Variants in SLC26A4 observed in about 807,000 individuals in gnomAD.
SLC26A4 encodes the protein pendrin.
A neutral mutation model predicts 90.4 loss-of-function variants in SLC26A4; 93 were observed. That is an observed-to-expected ratio of 1.03 (90% CI 0.87 to 1.22). The LOEUF (loss-of-function observed/expected upper bound fraction) is 1.22, where lower values mean the gene tolerates loss of function less well. Ranked by LOEUF, SLC26A4 falls within the 50% of genes most tolerant of loss-of-function variation. The pLI, the probability that SLC26A4 is intolerant of heterozygous loss-of-function variation, is 0.00. For missense variants in SLC26A4, 1,127 were observed against 946.2 expected, an observed-to-expected ratio of 1.19 and a Z score of -2.51; for synonymous variants, 393 against 354.6, an observed-to-expected ratio of 1.11 and a Z score of -1.22.
In SLC26A4 at chr7:107,694,636, G is replaced by T; in HGVS notation, c.1357G>T (p.Val453Phe). ...CTCTTGGCAGTCGGTCTTGGCAGCT[G>T]TTGTAATTGCCAACCTGAAAGGGAT... Reference protein sequence around the residue: ...EPLQKSVLAAVVIANLKGMFM... With the variant: ...EPLQKSVLAAFVIANLKGMFM... The change falls in exon 12 of 21, where the codon GTT becomes TTT. Residue 453 changes from valine to phenylalanine, a missense_variant. By Grantham distance (50) the Val-to-Phe change is conservative. Transcript: ENST00000644269. 6.2e-7 allele frequency: 1 copy of T among 1,613,134 alleles called. No individual in the cohort carries two copies. Among genetic ancestry groups the T allele is most frequent in the South Asian group, 1.1e-5 (1 of 91,074 alleles).
intron 3 of SLC26A4, among the ~76,000 whole-genome samples, chr7:107,665,561 T>G (rs930899919): frequency 6.6e-6 from 1 of 152,200 alleles, no homozygotes; most frequent in African/African-American, 2.4e-5. Flanking sequence ...AGATGGTATA[T>G]TTAGTGAAAA....
At chr7:107,703,709 T>G (rs1209591581) in intron 17 of SLC26A4, among the ~76,000 whole-genome samples, 1 of 152,214 alleles carries the variant, frequency 6.6e-6, no homozygotes, top group East Asian at 1.9e-4. Context: ...CCAAACTTTA[T>G]ACTTGAACAG....
At chr7:107,672,029 T>G (rs1057102110) in intron 3 of SLC26A4, 109 bp from the exon 4 acceptor site, 11 of 742,346 alleles carry the variant, frequency 1.5e-5, no homozygotes, top group Non-Finnish European at 2.0e-5. Context: ...GCATATTGCT[T>G]TTGCATCATC....
At position 107,689,068 on chromosome 7, in the gene SLC26A4, A is replaced by C; in HGVS notation, c.1017A>C (p.Glu339Asp). The C allele has an allele frequency of 6.2e-7, 1 of 1,613,856 alleles. No homozygotes were observed. Among genetic ancestry groups the C allele is most frequent in the Non-Finnish European group, 8.5e-7 (1 of 1,179,800 alleles). The stretch of plus-strand genomic sequence containing the variant: ...AACTCACTAGGTTTTTGCCTCCTGA[A>C]CTTCCACCTGTGAGCTTGTTCTCGG... Reference protein sequence around the residue: ...KSIPRGFLPPELPPVSLFSEM... With the variant: ...KSIPRGFLPPDLPPVSLFSEM... The change falls in exon 9 of 21, where the codon GAA becomes GAC. Residue 339 changes from glutamate to aspartate, a missense_variant. Coordinates refer to ENST00000644269, the MANE Select transcript of SLC26A4 (RefSeq NM_000441.2).
intron 18 of SLC26A4, among the ~76,000 whole-genome samples, chr7:107,709,346 C>T (rs1296924745): frequency 1.3e-5 from 2 of 152,238 alleles, no homozygotes; most frequent in Non-Finnish European, 2.9e-5. Context: ...AACTGTGGCT[C>T]ACTGCAGCCT....
rs372792780 is a variant in SLC26A4, at chr7:107,692,196, C to T, written c.1263+1959C>T. 140 of 680,340 alleles carry T rather than the reference C, an allele frequency of 2.1e-4. No individual in the cohort carries two copies. The African/African-American group carries it at 2.6e-3, about 13-fold the overall frequency. The allele number at this position is 680,340 out of a possible 1,614,324, so 42.1% of individuals were successfully genotyped here. ...GTATTATATTTAGGAATGAAGGATG[C>T]CAGGATTTCAGCATTAAAGAATGAA... On this transcript the variant is annotated intron_variant, in intron 10 of 20. Transcript: ENST00000644269.
chr7:107,663,629 T>C (rs1412151494), intron 3 of SLC26A4, among the ~76,000 whole-genome samples, 194 bp downstream of exon 3: 2 of 152,144 alleles, frequency 1.3e-5, no homozygotes, highest in Non-Finnish European at 2.9e-5. Context: ...GCTGCCCCAC[T>C]AGGTGCAGAG....
chr7:107,672,162 C>A lies in SLC26A4; in HGVS notation c.329C>A (p.Ala110Glu), dbSNP rs746266164. ...LQGMAYALLA[A>E]VPVGYGLYSA... The stretch of plus-strand genomic sequence containing the variant: ...GGGATGGCATATGCCCTACTAGCTG[C>A]AGTTCCTGTCGGATATGGTCTCTAC... The change falls in exon 4 of 21, where the codon GCA becomes GAA. Residue 110 changes from alanine (A) to glutamate (E), a missense_variant. Physicochemically the swap from Ala to Glu is moderately radical, Grantham distance 107. Transcript: ENST00000644269. The A allele has an allele frequency of 6.2e-7, 1 of 1,612,074 alleles. No homozygotes were observed. The highest frequency in any genetic ancestry group is 1.1e-5 in the South Asian group (1 of 91,034).
chr7:107,664,818 G>A (rs868651352), intron 3 of SLC26A4, among the ~76,000 whole-genome samples: 77 of 152,058 alleles, frequency 5.1e-4, no homozygotes, highest in African/African-American at 1.7e-3. Flanking sequence ...CCACCATCTC[G>A]TTTCTGCCCC....
intron 2 of SLC26A4, among the ~76,000 whole-genome samples, chr7:107,662,965 G>C (rs551501069): frequency 6.6e-6 from 1 of 152,268 alleles, no homozygotes; most frequent in South Asian, 2.1e-4. Flanking sequence ...AGTCTGAAAA[G>C]TAATCTCCAT....
intron 18 of SLC26A4, among the ~76,000 whole-genome samples, chr7:107,705,895 T>A (rs899751116): frequency 1.3e-5 from 2 of 152,212 alleles, no homozygotes; most frequent in Non-Finnish European, 2.9e-5. Context: ...GAACTCTCTA[T>A]GTGGCCCACA....
chr7:107,672,181 TC>T lies in SLC26A4; in HGVS notation c.349del (p.Leu117SerfsTer9), dbSNP rs1275009555. 1 of 1,613,144 alleles carries T rather than the reference TC, an allele frequency of 6.2e-7. No homozygotes were observed. Among genetic ancestry groups the T allele is most frequent in the East Asian group, 2.2e-5 (1 of 44,844 alleles). ...LLAAVPVGYGLYSAFFPILTY... is the reference protein window; with the variant it reads ...LLAAVPVGYGXYSAFFPILTY... The stretch of plus-strand genomic sequence containing the variant: ...TAGCTGCAGTTCCTGTCGGATATGG[TC>T]TCTACTCTGCTTTTTTCCCTATCCT... On this transcript the variant is annotated frameshift_variant, in exon 4 of 21. Coordinates refer to ENST00000644269, the MANE Select transcript of SLC26A4 (RefSeq NM_000441.2). LOFTEE classifies it high-confidence loss of function.
In SLC26A4 at chr7:107,663,319, G is replaced by C. The variant is rs745546618; in HGVS notation, c.188G>C (p.Gly63Ala). The C allele has an allele frequency of 1.6e-5, 26 of 1,614,196 alleles. No individual in the cohort carries two copies. The highest frequency in any genetic ancestry group is 1.9e-5 in the Non-Finnish European group (23 of 1,180,038). Residue 63 changes from glycine (G) to alanine (A), a missense_variant, in exon 3 of 21, where the codon GGT becomes GCT. Physicochemically the swap from Gly to Ala is moderately conservative, Grantham distance 60. Coordinates refer to ENST00000644269, the MANE Select transcript of SLC26A4 (RefSeq NM_000441.2). ...AGTTGTTCAAGAAAGAGAGCCTTTG[G>C]TGTGCTAAAGACTCTTGTGCCCATC... ...CCSCSRKRAF[G>A]VLKTLVPILE...
intron 20 of SLC26A4, among the ~76,000 whole-genome samples, chr7:107,714,417 A>G (rs1792284084): frequency 1.3e-5 from 2 of 152,194 alleles, no homozygotes; most frequent in Non-Finnish European, 2.9e-5. Context: ...TCTGTGGAGG[A>G]AATACATTGC....
chr7:107,702,195 T>C, intron 17 of SLC26A4, 138 bp downstream of exon 17: 1 of 715,776 alleles, frequency 1.4e-6, no homozygotes, highest in Non-Finnish European at 2.5e-6. Flanking sequence ...AAAAGTGTAA[T>C]ATTTTAAAGC....
chr7:107,680,274 T>C (rs1382601393), intron 6 of SLC26A4, among the ~76,000 whole-genome samples: 4 of 109,808 alleles, frequency 3.6e-5, no homozygotes, highest in Non-Finnish European at 5.2e-5. Flanking sequence ...TATCTTATTA[T>C]ATAATATAAT....
intron 6 of SLC26A4, among the ~76,000 whole-genome samples, chr7:107,679,177 T>C (rs943696569): frequency 7.9e-5 from 12 of 152,208 alleles, no homozygotes; most frequent in African/African-American, 2.7e-4. Flanking sequence ...TACTCAGTTA[T>C]CTAAGTAAAT....
intron 12 of SLC26A4, among the ~76,000 whole-genome samples, chr7:107,695,058 A>T (rs1562835926): frequency 6.6e-6 from 1 of 152,236 alleles, no homozygotes; most frequent in Non-Finnish European, 1.5e-5. Context: ...ACAAAATACA[A>T]AATGTAAAAA....
intron 3 of SLC26A4, among the ~76,000 whole-genome samples, chr7:107,666,079 C>T (rs1182224773): frequency 1.3e-5 from 2 of 151,910 alleles, no homozygotes. Context: ...CAGGTGCTGA[C>T]TTCATGGAGC....
Sources: allele counts gnomAD v4.1 joint callset (sites outside exome capture counted in the v4.1 genomes callset), GRCh38; gene constraint gnomAD v4.1.1; transcripts MANE v1.5; gene names NCBI Gene and HGNC (gene_info 2026-07-23, HGNC 2026-07-21).